EIF2B3: variants seen among roughly 807,000 people sequenced by gnomAD.
The protein encoded by EIF2B3 is translation initiation factor eIF2B subunit gamma.
A neutral mutation model predicts 54.1 loss-of-function variants in EIF2B3; 20 were observed. The ratio of observed to expected loss-of-function variants is 0.37; its 90% CI spans 0.26 to 0.54. The LOEUF (loss-of-function observed/expected upper bound fraction) is 0.54, where lower values mean the gene tolerates loss of function less well. Among genes scored for constraint, EIF2B3 ranks in the 20% least tolerant of loss-of-function variants. EIF2B3 has a pLI of 0.86. For missense variants in EIF2B3, 448 were observed against 547.8 expected, an observed-to-expected ratio of 0.82 and a Z score of 1.82; for synonymous variants, 153 against 188.1, an observed-to-expected ratio of 0.81 and a Z score of 1.52.
chr1:44,978,662 G>T (rs1644480667), intron 2 of EIF2B3, among the ~76,000 whole-genome samples: 2 of 114,672 alleles, frequency 1.7e-5, no homozygotes, highest in Non-Finnish European at 3.3e-5. Context: ...TTACAGACAG[G>T]GTCTCACTCT....
chr1:44,887,498 A>G (rs1655630621), intron 6 of EIF2B3, among the ~76,000 whole-genome samples: 1 of 152,236 alleles, frequency 6.6e-6, no homozygotes, highest in Non-Finnish European at 1.5e-5. Flanking sequence ...TAAGCAGTGA[A>G]GTCTTACAGA....
rs1044673447 is a variant in EIF2B3 at position 44,954,394 on chromosome 1, C to T, written c.295-12729G>A. 5.3e-5 allele frequency among the ~76,000 whole-genome samples: 8 copies of T among 152,070 alleles called. No homozygotes were observed. In the East Asian group the frequency reaches 9.6e-4, roughly 18 times the overall value. On this transcript the variant is annotated intron_variant, in intron 3 of 11. Transcript: ENST00000360403. Reference sequence around the variant, plus strand: ...GAATGTTTTTCCATTTGTTTGTGTCCGCTCTTATTTCCTTCAGCAGTAGTT... The same window carrying T: ...GAATGTTTTTCCATTTGTTTGTGTCTGCTCTTATTTCCTTCAGCAGTAGTT...
intron 5 of EIF2B3, among the ~76,000 whole-genome samples, chr1:44,907,195 A>G (rs1429327016): frequency 6.6e-6 from 1 of 152,112 alleles, no homozygotes. Context: ...CCCAACTCCA[A>G]TCCTTTCTCC....
chr1:44,900,255 T>C (rs1349533720), intron 5 of EIF2B3, among the ~76,000 whole-genome samples: 3 of 152,078 alleles, frequency 2.0e-5, no homozygotes, highest in African/African-American at 7.2e-5. Flanking sequence ...GAGAACAGTC[T>C]GGCCAACGCA....
In EIF2B3 at chr1:44,872,034, G is replaced by GTA. The variant is rs1378287136; in HGVS notation, c.1202+2642_1202+2643dup. Among the ~76,000 whole-genome samples the GTA allele has an allele frequency of 4.6e-5, 7 of 151,968 alleles. No individual in the cohort carries two copies. In the East Asian group the frequency reaches 1.2e-3, roughly 25 times the overall value. On this transcript the variant is annotated intron_variant, in intron 10 of 11. Coordinates refer to ENST00000360403, the MANE Select transcript of EIF2B3 (RefSeq NM_020365.5). ...ACACCACCATGCTCAACTAATTCTTGTATATGTATGTATTTTAAGGCAGGC... is the reference window on the plus strand; with the variant it reads ...ACACCACCATGCTCAACTAATTCTTGTATATATGTATGTATTTTAAGGCAGGC...
Position 44,857,690 on chromosome 1 carries a change from G to C in EIF2B3, c.1306+14C>G. On this transcript the variant is annotated intron_variant, in intron 11 of 11. Transcript: ENST00000360403. The stretch of plus-strand genomic sequence containing the variant: ...AGAAGTAAAAATGGAATCTGTGATT[G>C]TAATCTGGTTTACCTTTGGCTTCAA... 6.2e-7 allele frequency: 1 copy of C among 1,612,432 alleles called. No individual in the cohort carries two copies. The highest frequency in any genetic ancestry group is 1.1e-5 in the South Asian group (1 of 91,058).
At chr1:44,868,155 T>C (rs1422978117) in intron 10 of EIF2B3, among the ~76,000 whole-genome samples, 1 of 152,140 alleles carries the variant, frequency 6.6e-6, no homozygotes, top group South Asian at 2.1e-4. Context: ...TCCCAGTACT[T>C]TGGGAGGCCG....
At chr1:44,944,000 C>T (rs1479456754) in intron 3 of EIF2B3, among the ~76,000 whole-genome samples, 1 of 151,764 alleles carries the variant, frequency 6.6e-6, no homozygotes, top group East Asian at 2.0e-4. Flanking sequence ...AAAAATTAGC[C>T]GGGCATGGTG....
chr1:44,945,917 C>T (rs1320633940), intron 3 of EIF2B3, among the ~76,000 whole-genome samples: 1 of 152,078 alleles, frequency 6.6e-6, no homozygotes, highest in Non-Finnish European at 1.5e-5. Flanking sequence ...AAGTATACTC[C>T]AAAATCAAGA....
chr1:44,910,572 T>C (rs1395555214), intron 5 of EIF2B3, among the ~76,000 whole-genome samples: 1 of 150,516 alleles, frequency 6.6e-6, no homozygotes, highest in Non-Finnish European at 1.5e-5. Context: ...GACCATATTC[T>C]AACAGGTGTC....
chr1:44,852,473 T>C (rs1212234767), intron 11 of EIF2B3, among the ~76,000 whole-genome samples: 1 of 152,114 alleles, frequency 6.6e-6, no homozygotes, highest in Non-Finnish European at 1.5e-5. Context: ...CACTCTCCTC[T>C]ACTTCACTAT....
intron 10 of EIF2B3, among the ~76,000 whole-genome samples, chr1:44,872,676 C>A (rs911518666): frequency 6.6e-6 from 1 of 151,918 alleles, no homozygotes. Flanking sequence ...ACACTACCCC[C>A]AAAACCACTC....
intron 3 of EIF2B3, among the ~76,000 whole-genome samples, chr1:44,974,473 TAAAA>T (rs79071703): frequency 1.7e-5 from 2 of 117,226 alleles, no homozygotes; most frequent in African/African-American, 3.2e-5. Flanking sequence ...GACCCTGGTC[TAAAA>T]AAAAAAAAAA....
At chr1:44,857,682 C>T in intron 11 of EIF2B3, 22 bp downstream of exon 11, 3 of 1,611,088 alleles carry the variant, frequency 1.9e-6, no homozygotes, top group Non-Finnish European at 2.5e-6. Flanking sequence ...AAAATGGAAT[C>T]TGTGATTGTA....
chr1:44,867,695 T>C (rs1439531998), intron 10 of EIF2B3, among the ~76,000 whole-genome samples: 2 of 152,032 alleles, frequency 1.3e-5, no homozygotes, highest in Non-Finnish European at 2.9e-5. Flanking sequence ...AAAAAGTTCA[T>C]ATGGGATGTA....
intron 10 of EIF2B3, among the ~76,000 whole-genome samples, chr1:44,871,865 C>A (rs1654976903): frequency 6.8e-6 from 1 of 146,056 alleles, no homozygotes; most frequent in Non-Finnish European, 1.5e-5. Flanking sequence ...CTCTTTCATA[C>A]TTCACAATCT....
At chr1:44,885,835 A>G (rs1655561906) in intron 6 of EIF2B3, among the ~76,000 whole-genome samples, 1 of 151,800 alleles carries the variant, frequency 6.6e-6, no homozygotes, top group Non-Finnish European at 1.5e-5. Flanking sequence ...CCCAGGTTCA[A>G]GTGATTCTCC....
At chr1:44,933,457 A>G (rs1643915005) in intron 4 of EIF2B3, among the ~76,000 whole-genome samples, 1 of 150,150 alleles carries the variant, frequency 6.7e-6, no homozygotes, top group Admixed American at 6.6e-5. Flanking sequence ...AAATTAAGAC[A>G]CAGAAAATAA....
chr1:44,977,321 GGT>G (rs750440160), intron 3 of EIF2B3, among the ~76,000 whole-genome samples: 1 of 152,106 alleles, frequency 6.6e-6, no homozygotes, highest in Non-Finnish European at 1.5e-5. Context: ...TTACATGGGA[GGT>G]CTATGAATTT....
Sources: gnomAD v4.1 joint callset for allele counts (sites outside exome capture counted in the v4.1 genomes callset) on GRCh38, gnomAD v4.1.1 for gene constraint, MANE v1.5 for transcripts, NCBI Gene and HGNC (gene_info 2026-07-23, HGNC 2026-07-21) for gene names.